Variants in RPS6KC1 observed in about 807,000 individuals in gnomAD.
RPS6KC1 encodes inactive ribosomal protein S6 kinase delta-1.
RPS6KC1 carries 54 observed loss-of-function variants against 103.8 expected under a neutral mutation model. The observed-to-expected ratio is 0.52, with a 90% CI of 0.42 to 0.65. The LOEUF is 0.65. Among genes scored for constraint, RPS6KC1 ranks in the 30% least tolerant of loss-of-function variants. RPS6KC1 has a pLI of 0.00. For synonymous variants in RPS6KC1, 439 were observed against 438.7 expected, an observed-to-expected ratio of 1.00 and a Z score of -0.01; for missense variants, 1,151 against 1,253.8, an observed-to-expected ratio of 0.92 and a Z score of 1.24.
At chr1:213,774,984 A>G in the RPS6KC1 span, among the ~76,000 whole-genome samples, 14 of 152,194 alleles carry the variant, frequency 9.2e-5, no homozygotes, top group African/African-American at 3.1e-4. Flanking sequence ...AAGGAGGGCC[A>G]GGGGAGGAAA....
At position 213,077,805 on chromosome 1, in the gene RPS6KC1, G is replaced by GAATA. The variant is rs1229733456; in HGVS notation, c.252_255dup (p.Val86AsnfsTer7). 1.2e-5 allele frequency: 19 copies of GAATA among 1,546,412 alleles called. No individual in the cohort carries two copies. Among genetic ancestry groups the GAATA allele is most frequent in the Non-Finnish European group, 1.7e-5 (19 of 1,141,772 alleles). On this transcript the variant is annotated frameshift_variant, in exon 3 of 15. Coordinates refer to ENST00000366960, the MANE Select transcript of RPS6KC1 (RefSeq NM_012424.6). LOFTEE classifies it high-confidence loss of function. ...GAGTTGTTTCCTCCATTTGCTAAAGGAATAGTGTTTGGTAAGTGATTATTT... is the reference window on the plus strand; with the variant it reads ...GAGTTGTTTCCTCCATTTGCTAAAGGAATAAATAGTGTTTGGTAAGTGATTATTT...
At chr1:213,711,933 G>A in the RPS6KC1 span, among the ~76,000 whole-genome samples, 1 of 152,186 alleles carries the variant, frequency 6.6e-6, no homozygotes, top group Non-Finnish European at 1.5e-5. Flanking sequence ...GAGCTGTCCT[G>A]TATGAGGTGT....
At chr1:213,308,644 C>G in the RPS6KC1 span, among the ~76,000 whole-genome samples, 1 of 152,122 alleles carries the variant, frequency 6.6e-6, no homozygotes, top group Non-Finnish European at 1.5e-5. Flanking sequence ...CCTTTATTCT[C>G]TAAGTATTCA....
the RPS6KC1 span, among the ~76,000 whole-genome samples, chr1:213,733,120 C>G: frequency 2.0e-5 from 3 of 152,140 alleles, no homozygotes; most frequent in Non-Finnish European, 4.4e-5. Flanking sequence ...GTGCAGATAC[C>G]TCTTTGATAT....
At chr1:213,804,186 A>AAC in the RPS6KC1 span, among the ~76,000 whole-genome samples, 8 of 150,100 alleles carry the variant, frequency 5.3e-5, no homozygotes, top group African/African-American at 1.7e-4. Flanking sequence ...AAAAAAAAAA[A>AAC]AAAAAAAAAA....
the RPS6KC1 span, among the ~76,000 whole-genome samples, chr1:213,486,641 G>A: frequency 6.6e-6 from 1 of 152,198 alleles, no homozygotes; most frequent in South Asian, 2.1e-4. Flanking sequence ...TGGGGACAGT[G>A]AGACATGCCC....
the RPS6KC1 span, among the ~76,000 whole-genome samples, chr1:213,743,697 C>A: frequency 1.3e-5 from 2 of 152,082 alleles, no homozygotes; most frequent in Admixed American, 1.3e-4. Context: ...AGGTAAAGAC[C>A]CAACAGGTCA....
the RPS6KC1 span, among the ~76,000 whole-genome samples, chr1:213,810,706 C>T: frequency 1.3e-5 from 2 of 152,170 alleles, no homozygotes; most frequent in African/African-American, 4.8e-5. Context: ...CCAGTATCAC[C>T]ACTGCTACCA....
At chr1:213,532,770 C>A in the RPS6KC1 span, among the ~76,000 whole-genome samples, 12 of 152,206 alleles carry the variant, frequency 7.9e-5, no homozygotes, top group African/African-American at 2.7e-4. Context: ...ATTGCCCAAG[C>A]AACTGCGTCA....
the RPS6KC1 span, among the ~76,000 whole-genome samples, chr1:213,568,845 T>G: frequency 2.6e-5 from 4 of 152,258 alleles, no homozygotes; most frequent in African/African-American, 9.6e-5. Flanking sequence ...CAAGTGCTGA[T>G]TTAGGGAATT....
the RPS6KC1 span, among the ~76,000 whole-genome samples, chr1:213,288,726 C>T: frequency 6.6e-6 from 1 of 152,130 alleles, no homozygotes; most frequent in Non-Finnish European, 1.5e-5. Flanking sequence ...CTGAACTATA[C>T]CTGAACTCAA....
At chr1:213,673,966 TTCAAC>T in the RPS6KC1 span, among the ~76,000 whole-genome samples, 1 of 152,172 alleles carries the variant, frequency 6.6e-6, no homozygotes, top group Non-Finnish European at 1.5e-5. Flanking sequence ...CCAGTAGTTT[TTCAAC>T]TCTTGACCCT....
At chr1:213,151,953 T>C (rs1263196230) in intron 6 of RPS6KC1, among the ~76,000 whole-genome samples, 60 of 83,728 alleles carry the variant, frequency 7.2e-4, no homozygotes, top group South Asian at 1.9e-3. Flanking sequence ...CCCTCCCGGA[T>C]GGGGCGGCTG....
Position 213,103,477 on chromosome 1 carries a change from A to G in RPS6KC1, c.263-977A>G, listed in dbSNP as rs1462040815. ...CTGCCTAAGATTTTATAGCTAGTGA[A>G]TGATAGAGGTAGTATTTGAATTCAG... On this transcript the variant is annotated intron_variant, in intron 3 of 14. Coordinates refer to ENST00000366960, the MANE Select transcript of RPS6KC1 (RefSeq NM_012424.6). Among the ~76,000 whole-genome samples the G allele has an allele frequency of 2.6e-5, 4 of 152,204 alleles. No individual in the cohort carries two copies. In the East Asian group the frequency reaches 7.7e-4, roughly 29 times the overall value.
At chr1:213,495,037 G>C in the RPS6KC1 span, among the ~76,000 whole-genome samples, 2 of 152,190 alleles carry the variant, frequency 1.3e-5, no homozygotes, top group South Asian at 4.1e-4. Flanking sequence ...TTGTGATCAA[G>C]AATTTACAGC....
At chr1:213,825,305 T>G in the RPS6KC1 span, among the ~76,000 whole-genome samples, 26,459 of 152,094 alleles carry the variant, frequency 0.17, 2,644 homozygotes, top group East Asian at 0.36. Flanking sequence ...ACTCAAACTT[T>G]ATGTGCAAAA....
chr1:213,421,193 C>T, the RPS6KC1 span, among the ~76,000 whole-genome samples: 1 of 149,518 alleles, frequency 6.7e-6, no homozygotes, highest in Non-Finnish European at 1.5e-5. Context: ...CACACTGTAA[C>T]CTCTGCCTCC....
chr1:213,475,438 T>C, the RPS6KC1 span, among the ~76,000 whole-genome samples: 7 of 152,240 alleles, frequency 4.6e-5, no homozygotes, highest in Non-Finnish European at 8.8e-5. Flanking sequence ...GGGTGCGTGC[T>C]GTGCCCTGCT....
chr1:213,790,071 C>A, the RPS6KC1 span, among the ~76,000 whole-genome samples: 1 of 152,166 alleles, frequency 6.6e-6, no homozygotes, highest in African/African-American at 2.4e-5. Context: ...CCTTGGGACA[C>A]AAAGCTGACT....
Sources: gnomAD v4.1 joint callset for allele counts (sites outside exome capture counted in the v4.1 genomes callset) on GRCh38, gnomAD v4.1.1 for gene constraint, MANE v1.5 for transcripts, NCBI Gene and HGNC (gene_info 2026-07-23, HGNC 2026-07-21) for gene names.